ZPBP: variants seen among roughly 807,000 people sequenced by gnomAD.
ZPBP encodes zona pellucida binding protein.
A neutral mutation model predicts 44.8 loss-of-function variants in ZPBP; 26 were observed. The ratio of observed to expected loss-of-function variants is 0.58; its 90% CI spans 0.43 to 0.81. The LOEUF is 0.81. Ranked by LOEUF, ZPBP falls within the 30% of genes least tolerant of loss-of-function variation. ZPBP has a pLI of 0.00. For synonymous variants in ZPBP, 174 were observed against 153.2 expected, an observed-to-expected ratio of 1.14 and a Z score of -1.00; for missense variants, 409 against 434.0, an observed-to-expected ratio of 0.94 and a Z score of 0.51.
intron 7 of ZPBP, 35 bp downstream of exon 7, chr7:49,983,307 C>T (rs754600785): frequency 1.2e-6 from 2 of 1,602,638 alleles, no homozygotes; most frequent in Middle Eastern, 1.7e-4. Context: ...AAATTTTCAA[C>T]AATATAAAAC....
At chr7:50,084,666 G>A (rs530417019) in intron 2 of ZPBP, among the ~76,000 whole-genome samples, 6 of 151,944 alleles carry the variant, frequency 3.9e-5, no homozygotes, top group African/African-American at 1.4e-4. Flanking sequence ...TCTACTCAGT[G>A]ATATAAGAAC....
chr7:50,009,059 C>A (rs551803305), intron 6 of ZPBP, among the ~76,000 whole-genome samples: 11 of 151,928 alleles, frequency 7.2e-5, no homozygotes, highest in African/African-American at 2.7e-4. Flanking sequence ...CATGGTGAAA[C>A]CAAGTCATTA....
At chr7:50,092,653 C>T (rs1374012691) in intron 1 of ZPBP, among the ~76,000 whole-genome samples, 2 of 152,168 alleles carry the variant, frequency 1.3e-5, no homozygotes. Flanking sequence ...CTGTATTTCA[C>T]AGCTAAAACC....
At chr7:49,958,475 T>A (rs957379344) in intron 7 of ZPBP, among the ~76,000 whole-genome samples, 11 of 152,168 alleles carry the variant, frequency 7.2e-5, no homozygotes, top group African/African-American at 2.4e-4. Flanking sequence ...TTGACCTTCA[T>A]GAATGGATTA....
chr7:50,063,392 C>A (rs77593345), intron 3 of ZPBP, among the ~76,000 whole-genome samples: 1 of 152,160 alleles, frequency 6.6e-6, no homozygotes, highest in African/African-American at 2.4e-5. Flanking sequence ...CATCTCTTTG[C>A]GGAGCTGAGC....
intron 6 of ZPBP, among the ~76,000 whole-genome samples, chr7:50,008,110 T>A (rs1462529352): frequency 6.6e-6 from 1 of 152,076 alleles, no homozygotes; most frequent in Admixed American, 6.6e-5. Context: ...TGATCTTACA[T>A]ACAGAAAACT....
intron 4 of ZPBP, among the ~76,000 whole-genome samples, chr7:50,057,433 G>A (rs944108984): frequency 3.3e-5 from 5 of 152,106 alleles, no homozygotes; most frequent in Non-Finnish European, 7.3e-5. Flanking sequence ...GTGTGCCTCT[G>A]ACCTAACTCG....
intron 2 of ZPBP, among the ~76,000 whole-genome samples, chr7:49,855,004 A>G (rs1271809603): frequency 2.0e-5 from 3 of 152,314 alleles, no homozygotes; most frequent in Middle Eastern, 3.4e-3. Context: ...TGAAAATGCA[A>G]ACTGAAGCAT....
At chr7:49,936,280 A>T (rs1794618193), downstream of ZPBP, 1 of 152,236 alleles carries the variant, frequency 6.6e-6, no homozygotes, top group Non-Finnish European at 1.5e-5. Context: ...CAATTACATC[A>T]TAATGATGAA....
chr7:49,939,454 T>C (rs1426842295), intron 7 of ZPBP, among the ~76,000 whole-genome samples: 1 of 152,178 alleles, frequency 6.6e-6, no homozygotes, highest in Non-Finnish European at 1.5e-5. Flanking sequence ...ATTTTTTCTC[T>C]GTTAAGTAGA....
chr7:49,969,803 GTA>G (rs754621506), intron 7 of ZPBP, among the ~76,000 whole-genome samples: 9,039 of 133,076 alleles, frequency 0.068, 306 homozygotes, highest in African/African-American at 0.073. Context: ...GTTAATAAAT[GTA>G]TATATATATA....
the ZPBP span, among the ~76,000 whole-genome samples, chr7:49,844,159 A>G: frequency 6.6e-6 from 1 of 152,204 alleles, no homozygotes; most frequent in Non-Finnish European, 1.5e-5. Context: ...CAACGTGGAA[A>G]GGTCTGCTCA....
chr7:50,086,069 T>A (rs1245727771), intron 2 of ZPBP, among the ~76,000 whole-genome samples: 1 of 152,110 alleles, frequency 6.6e-6, no homozygotes, highest in East Asian at 1.9e-4. Context: ...TAGTTCAAGA[T>A]GTTTAATGAA....
chr7:49,910,907 C>T (rs898950848), intron 1 of ZPBP, among the ~76,000 whole-genome samples: 1 of 152,166 alleles, frequency 6.6e-6, no homozygotes, highest in African/African-American at 2.4e-5. Flanking sequence ...GAATCACAAA[C>T]TCTGCAAACA....
At chr7:49,846,226 G>A (rs577479659), downstream of ZPBP, among the ~76,000 whole-genome samples, 6 of 152,170 alleles carry the variant, frequency 3.9e-5, no homozygotes, top group South Asian at 6.2e-4. Context: ...GCAAAGAGTC[G>A]CCCCCAAGAC....
chr7:49,941,485 T>C (rs769355238), intron 7 of ZPBP, among the ~76,000 whole-genome samples: 1 of 152,146 alleles, frequency 6.6e-6, no homozygotes, highest in East Asian at 1.9e-4. Context: ...AAATCAGTTA[T>C]GTTTGTGTAC....
chr7:50,005,063 CTG>C (rs34975826), intron 6 of ZPBP, among the ~76,000 whole-genome samples: 75,311 of 150,066 alleles, frequency 0.5, 19,645 homozygotes, highest in East Asian at 0.67. Context: ...AAGAGAAACT[CTG>C]TAAGATCATT....
At chr7:49,863,937 G>A (rs192771367) in intron 2 of ZPBP, among the ~76,000 whole-genome samples, 145 of 152,032 alleles carry the variant, frequency 9.5e-4, no homozygotes, top group Non-Finnish European at 1.4e-3. Context: ...GTAAGTTTTC[G>A]TATGTTGTTT....
At chr7:49,930,458 A>T (rs1794408576) in intron 1 of ZPBP, among the ~76,000 whole-genome samples, 1 of 152,238 alleles carries the variant, frequency 6.6e-6, no homozygotes, top group Non-Finnish European at 1.5e-5. Context: ...CACTCAATAA[A>T]TAACTACCAT....
Sources: allele counts gnomAD v4.1 joint callset (sites outside exome capture counted in the v4.1 genomes callset), GRCh38; gene constraint gnomAD v4.1.1; transcripts MANE v1.5; gene names NCBI Gene and HGNC (gene_info 2026-07-23, HGNC 2026-07-21).